Variants in ZNF423 observed in about 807,000 individuals in gnomAD.
ZNF423 encodes the protein Ebf-associated zinc finger protein.
In ZNF423, 12 loss-of-function variants were observed where a neutral mutation model predicts 95.8. The ratio of observed to expected loss-of-function variants is 0.13; its 90% confidence interval spans 0.08 to 0.20. The LOEUF (loss-of-function observed/expected upper bound fraction) is 0.20. ZNF423 is among the 10% of genes least tolerant of loss of function. The probability of loss-of-function intolerance (pLI) is 1.00; values close to 1 mark genes in which losing one functional copy is unlikely to be tolerated. For synonymous variants in ZNF423, 749 were observed against 711.9 expected (o/e 1.05, Z -0.83); for missense variants, 1,316 against 1,737.1 (o/e 0.76, Z 4.31).
chr16:49,829,172 G>A (rs1322138173), intron 1 of ZNF423, among the ~76,000 whole-genome samples: 1 of 152,186 alleles, frequency 6.6e-6, no homozygotes, highest in South Asian at 2.1e-4. Context: ...AAACTTGAAG[G>A]AATCACAGCC....
At chr16:49,533,339 C>T (rs948359630) in intron 5 of ZNF423, among the ~76,000 whole-genome samples, 3 of 152,204 alleles carry the variant, frequency 2.0e-5, no homozygotes, top group East Asian at 1.9e-4. Flanking sequence ...GTCCCACACC[C>T]GAGGAAGGGC....
intron 3 of ZNF423, among the ~76,000 whole-genome samples, chr16:49,691,354 C>T (rs973400600): frequency 6.6e-6 from 1 of 152,188 alleles, no homozygotes; most frequent in African/African-American, 2.4e-5. Context: ...CATGGGTTTG[C>T]CTCCAAGCTC....
chr16:49,571,546 G>A (rs1597119052), intron 5 of ZNF423, among the ~76,000 whole-genome samples: 1 of 152,222 alleles, frequency 6.6e-6, no homozygotes, highest in South Asian at 2.1e-4. Flanking sequence ...GGGAGGGGAG[G>A]ATGGGGGTGT....
At chr16:49,633,158 C>T (rs1394098244) in intron 4 of ZNF423, among the ~76,000 whole-genome samples, 1 of 152,190 alleles carries the variant, frequency 6.6e-6, no homozygotes, top group Non-Finnish European at 1.5e-5. Flanking sequence ...AAGCTGGGGG[C>T]TTGAGGCAAG....
At position 49,821,600 on chromosome 16, in the gene ZNF423, G is replaced by A. The variant is rs1463181625; in HGVS notation, c.41-32054C>T. Among the ~76,000 whole-genome samples the A allele has an allele frequency of 2.6e-5, 4 of 152,142 alleles. 1 individual carries two copies. Among genetic ancestry groups the A allele is most frequent in the African/African-American group, 9.7e-5 (4 of 41,432 alleles). ...TCTCACTCTAAGGCCTTCAGGGGTG[G>A]CAAAGCACATTTTTCTTTAAACCAC... is the stretch of plus-strand genomic sequence containing the variant. On this transcript the variant is annotated intron_variant, in intron 1 of 7. Transcript: ENST00000563137.
rs551630196 is a variant in ZNF423, at chr16:49,753,732, G to A, written c.101-22761C>T. Among the ~76,000 whole-genome samples the A allele has an allele frequency of 9.8e-5, 15 of 152,296 alleles. No homozygotes were observed. In the East Asian group the frequency reaches 2.7e-3, roughly 27 times the overall value. On this transcript the variant is annotated intron_variant, in intron 2 of 7. Transcript: ENST00000563137. Reference sequence around the variant, plus strand: ...ATTTGAGCAAACACTTGAATGGCACGAGGAAGCCAGGCATTTGGCTGGGCA... The same window carrying A: ...ATTTGAGCAAACACTTGAATGGCACAAGGAAGCCAGGCATTTGGCTGGGCA...
intron 5 of ZNF423, among the ~76,000 whole-genome samples, chr16:49,588,374 G>C (rs76168968): frequency 0.012 from 1,758 of 152,290 alleles, 35 homozygotes; most frequent in African/African-American, 0.04. Flanking sequence ...CCTTACATAC[G>C]CTGAGGCTAA....
At chr16:49,717,139 T>C (rs1000617968) in intron 3 of ZNF423, among the ~76,000 whole-genome samples, 8 of 152,148 alleles carry the variant, frequency 5.3e-5, no homozygotes, top group African/African-American at 1.9e-4. Flanking sequence ...CCTGGGGACT[T>C]CTGGAATTGG....
intron 3 of ZNF423, among the ~76,000 whole-genome samples, chr16:49,651,094 C>T (rs113461315): frequency 1.3e-5 from 2 of 151,708 alleles, no homozygotes; most frequent in African/African-American, 2.4e-5. Context: ...AATCATGGCT[C>T]ACTGCAGACT....
At chr16:49,626,079 G>T in intron 5 of ZNF423, 91 bp downstream of exon 5, 2 of 1,259,460 alleles carry the variant, frequency 1.6e-6, no homozygotes, top group Non-Finnish European at 1.2e-6. Flanking sequence ...TCTGTCCTTT[G>T]GCCTAAAAGC....
chr16:49,507,257 C>T (rs2151672898), intron 7 of ZNF423, among the ~76,000 whole-genome samples: 1 of 152,288 alleles, frequency 6.6e-6, no homozygotes, highest in African/African-American at 2.4e-5. Flanking sequence ...ATACTAACCA[C>T]AGGGCTTTGT....
At chr16:49,703,668 G>A (rs551316989) in intron 3 of ZNF423, among the ~76,000 whole-genome samples, 1 of 152,378 alleles carries the variant, frequency 6.6e-6, no homozygotes, top group South Asian at 2.1e-4. Flanking sequence ...GCCCCATGGG[G>A]TCAGCCCAGG....
Position 49,575,179 on chromosome 16 carries a change from G to A in ZNF423, c.3602-49685C>T, listed in dbSNP as rs545682970. Among the ~76,000 whole-genome samples, 3 of 152,270 alleles carry A rather than the reference G, an allele frequency of 2.0e-5. No individual in the cohort carries two copies. The East Asian group carries it at 5.8e-4, about 29-fold the overall frequency. ...AGGCATCACTCAGGAAAGTGGATAT[G>A]CTAAGAGAACTTAGGCAATTCATTT... On this transcript the variant is annotated intron_variant, in intron 5 of 7. Transcript: ENST00000563137.
chr16:49,494,598 A>C (rs890404115), intron 7 of ZNF423, among the ~76,000 whole-genome samples: 7 of 152,196 alleles, frequency 4.6e-5, no homozygotes, highest in African/African-American at 1.7e-4. Context: ...AGGTCACCCG[A>C]TCAGTTTGTG....
chr16:49,791,190 A>T (rs910493306), intron 1 of ZNF423, among the ~76,000 whole-genome samples: 2 of 152,248 alleles, frequency 1.3e-5, no homozygotes, highest in African/African-American at 4.8e-5. Context: ...GGCAGGATCA[A>T]GACAATGAAA....
chr16:49,812,456 G>C (rs1009043336), intron 1 of ZNF423, among the ~76,000 whole-genome samples: 1 of 152,174 alleles, frequency 6.6e-6, no homozygotes, highest in African/African-American at 2.4e-5. Context: ...CACTCTAGGA[G>C]GCCAAAGTGG....
intron 3 of ZNF423, among the ~76,000 whole-genome samples, chr16:49,729,639 C>CTATTATTAT (rs34889282): frequency 7.2e-5 from 10 of 138,940 alleles, no homozygotes; most frequent in East Asian, 2.1e-4. Context: ...CCTCTTAGGT[C>CTATTATTAT]TATTATTATT....
In ZNF423 at chr16:49,840,333, TG is replaced by T. The variant is rs916434529; in HGVS notation, c.40+15401del. On this transcript the variant is annotated intron_variant, in intron 1 of 7. Transcript: ENST00000563137. ...TGGCGACAGAAAACTTTTCTCTTTTTGGGGGGGTGGAACATCAACAAAATCC... is the reference window on the plus strand; with the variant it reads ...TGGCGACAGAAAACTTTTCTCTTTTTGGGGGGTGGAACATCAACAAAATCC... Among the ~76,000 whole-genome samples the T allele has an allele frequency of 3.3e-5, 5 of 152,210 alleles. No individual in the cohort carries two copies. In the South Asian group the frequency reaches 8.3e-4, roughly 25 times the overall value.
intron 7 of ZNF423, among the ~76,000 whole-genome samples, chr16:49,513,644 T>C (rs1967991958): frequency 8.2e-6 from 1 of 121,584 alleles, no homozygotes; most frequent in Non-Finnish European, 1.7e-5. Context: ...GATGGATGGA[T>C]GGATGGATGG....
Sources: gnomAD v4.1 joint callset for allele counts (sites outside exome capture counted in the v4.1 genomes callset) on GRCh38, gnomAD v4.1.1 for gene constraint, MANE v1.5 for transcripts, NCBI Gene and HGNC (gene_info 2026-07-23, HGNC 2026-07-21) for gene names.